MAGI2: variants seen among roughly 807,000 people sequenced by gnomAD.
The protein encoded by MAGI2 is membrane associated guanylate kinase, WW and PDZ domain containing 2, also known as membrane-associated guanylate kinase, WW and PDZ domain-containing protein 2.
In MAGI2, 35 loss-of-function variants were observed where a neutral mutation model predicts 133.3. The ratio of observed to expected loss-of-function variants is 0.26; its 90% confidence interval spans 0.20 to 0.35. The LOEUF (loss-of-function observed/expected upper bound fraction) is 0.35. Among genes scored for constraint, MAGI2 ranks in the 10% least tolerant of loss-of-function variants. MAGI2 has a pLI of 1.00. For synonymous variants in MAGI2, 729 were observed against 710.6 expected (o/e 1.03, Z -0.41); for missense variants, 1,636 against 1,863.4 (o/e 0.88, Z 2.25).
At chr7:79,251,708 A>G (rs909372838) in intron 1 of MAGI2, among the ~76,000 whole-genome samples, 10 of 152,202 alleles carry the variant, frequency 6.6e-5, no homozygotes, top group Non-Finnish European at 1.5e-4. Flanking sequence ...TAGAACTACC[A>G]TATGTTCCAG....
intron 1 of MAGI2, among the ~76,000 whole-genome samples, chr7:79,317,755 A>G (rs1438091737): frequency 2.6e-5 from 4 of 152,098 alleles, no homozygotes; most frequent in African/African-American, 9.7e-5. Flanking sequence ...GCCTTAATAG[A>G]CCCAATACTG....
intron 2 of MAGI2, among the ~76,000 whole-genome samples, chr7:78,977,483 GAAAGAAAGAAAGAAAGAAAGAAAGA>G: frequency 6.0e-5 from 1 of 16,764 alleles, no homozygotes; most frequent in Non-Finnish European, 1.8e-4. Context: ...AAGAAAGAAA[GAAAGAAAGAAAGAAAGAAAGAAAGA>G]AAGAAAGAAA....
intron 6 of MAGI2, among the ~76,000 whole-genome samples, chr7:78,438,307 T>G (rs1167798899): frequency 2.0e-5 from 3 of 152,012 alleles, no homozygotes; most frequent in African/African-American, 7.3e-5. Flanking sequence ...TTAGGTTCCT[T>G]GAGATATGAA....
chr7:79,384,700 A>T (rs1216587306), intron 1 of MAGI2, among the ~76,000 whole-genome samples: 1 of 151,662 alleles, frequency 6.6e-6, no homozygotes, highest in Non-Finnish European at 1.5e-5. Flanking sequence ...TTTTTGCATG[A>T]CAATCATCTC....
intron 1 of MAGI2, among the ~76,000 whole-genome samples, chr7:79,263,906 T>TA (rs1363197858): frequency 6.6e-6 from 1 of 152,130 alleles, no homozygotes; most frequent in Non-Finnish European, 1.5e-5. Flanking sequence ...AAAGCAACAT[T>TA]AACAAAAACC....
intron 2 of MAGI2, among the ~76,000 whole-genome samples, chr7:78,634,372 T>C (rs944306062): frequency 2.6e-4 from 40 of 152,340 alleles, no homozygotes; most frequent in African/African-American, 8.9e-4. Context: ...TAATTTTACC[T>C]GCAGGCATAG....
chr7:78,072,082 G>A (rs1814775320), intron 21 of MAGI2, among the ~76,000 whole-genome samples: 2 of 152,290 alleles, frequency 1.3e-5, no homozygotes, highest in Non-Finnish European at 1.5e-5. Context: ...GGCCACCGGA[G>A]GGGAAGAGTG....
At chr7:78,185,880 C>T (rs1373301654) in intron 12 of MAGI2, among the ~76,000 whole-genome samples, 1 of 152,094 alleles carries the variant, frequency 6.6e-6, no homozygotes, top group East Asian at 1.9e-4. Context: ...CTTTTACATG[C>T]ATCCAAAATA....
chr7:78,425,264 T>C (rs1433784768), intron 6 of MAGI2, among the ~76,000 whole-genome samples: 36 of 152,208 alleles, frequency 2.4e-4, no homozygotes, highest in Admixed American at 2.4e-3. Context: ...ATGCCATTCA[T>C]GTAAGATATG....
In MAGI2 at chr7:78,046,727, T is replaced by C. The variant is rs184117790; in HGVS notation, c.3707-26751A>G. Among the ~76,000 whole-genome samples the C allele has an allele frequency of 3.5e-4, 53 of 152,288 alleles. No homozygotes were observed. In the East Asian group the frequency reaches 9.6e-3, roughly 28 times the overall value. ...AAACCCAGCGTTAGTTATGGACCAA[T>C]TGAATGATGGCTCTAGCTACCCTTA... On this transcript the variant is annotated intron_variant, in intron 21 of 21. Transcript: ENST00000354212.
chr7:78,625,975 T>A (rs1440726639), intron 3 of MAGI2, among the ~76,000 whole-genome samples: 1 of 152,138 alleles, frequency 6.6e-6, no homozygotes, highest in Non-Finnish European at 1.5e-5. Flanking sequence ...TAACCATGTG[T>A]TTCTCAGAAG....
intron 6 of MAGI2, among the ~76,000 whole-genome samples, chr7:78,478,231 G>A (rs530905117): frequency 3.2e-4 from 49 of 151,904 alleles, no homozygotes; most frequent in Admixed American, 2.9e-3. Context: ...AGTTTGCTGA[G>A]AATTATGGTT....
At chr7:79,187,403 GA>G (rs1485987333) in intron 1 of MAGI2, among the ~76,000 whole-genome samples, 1 of 151,602 alleles carries the variant, frequency 6.6e-6, no homozygotes, top group African/African-American at 2.4e-5. Flanking sequence ...TCTGTACAAG[GA>G]AAAACATTAC....
intron 2 of MAGI2, among the ~76,000 whole-genome samples, chr7:78,988,629 A>G (rs1367175367): frequency 1.3e-5 from 2 of 152,126 alleles, no homozygotes; most frequent in Non-Finnish European, 2.9e-5. Flanking sequence ...AAAGAGAATC[A>G]ATAAACTTAA....
intron 2 of MAGI2, among the ~76,000 whole-genome samples, chr7:78,631,111 T>C (rs1168322768): frequency 4.6e-5 from 7 of 152,190 alleles, no homozygotes; most frequent in East Asian, 1.9e-4. Flanking sequence ...CCTGAAAATG[T>C]CTTTATTACA....
intron 1 of MAGI2, among the ~76,000 whole-genome samples, chr7:79,136,089 GAAAGAAAGAAA>G (rs1821510582): frequency 6.7e-6 from 1 of 148,666 alleles, no homozygotes; most frequent in Non-Finnish European, 1.5e-5. Context: ...AAGAAAGAAA[GAAAGAAAGAAA>G]GAAAGAAAGA....
intron 2 of MAGI2, among the ~76,000 whole-genome samples, chr7:78,845,502 T>C (rs950642898): frequency 6.6e-6 from 1 of 151,936 alleles, no homozygotes; most frequent in Non-Finnish European, 1.5e-5. Context: ...TTCTAAATCA[T>C]TGTAATGTAT....
chr7:79,336,999 G>GAAAA (rs3050603), intron 1 of MAGI2, among the ~76,000 whole-genome samples: 2 of 148,590 alleles, frequency 1.3e-5, no homozygotes, highest in South Asian at 2.1e-4. Context: ...TTCTGTCACA[G>GAAAA]AAAAAAAAAA....
intron 2 of MAGI2, among the ~76,000 whole-genome samples, chr7:78,928,269 G>T (rs761340860): frequency 6.6e-6 from 1 of 151,756 alleles, no homozygotes; most frequent in Non-Finnish European, 1.5e-5. Context: ...AGGCAGATGG[G>T]GCTCATCACC....
Sources: allele counts gnomAD v4.1 joint callset (sites outside exome capture counted in the v4.1 genomes callset), GRCh38; gene constraint gnomAD v4.1.1; transcripts MANE v1.5; gene names NCBI Gene and HGNC (gene_info 2026-07-23, HGNC 2026-07-21).